The following UBE2E2 variants were observed in gnomAD, a reference collection of about 807,000 sequenced individuals.
UBE2E2 encodes ubiquitin-conjugating enzyme E2 E2.
UBE2E2 carries 6 observed loss-of-function variants against 24.7 expected under a neutral mutation model. The observed-to-expected ratio is 0.24, with a 90% CI of 0.13 to 0.48. The LOEUF (loss-of-function observed/expected upper bound fraction) is 0.48, where lower values mean the gene tolerates loss of function less well. UBE2E2 is among the 20% of genes least tolerant of loss of function. The pLI, the probability that UBE2E2 is intolerant of heterozygous loss-of-function variation, is 0.99. For synonymous variants in UBE2E2, 104 were observed against 83.6 expected, an observed-to-expected ratio of 1.24 and a Z score of -1.33; for missense variants, 169 against 245.0, an observed-to-expected ratio of 0.69 and a Z score of 2.07.
chr3:23,459,190 A>G (rs1698754947), intron 3 of UBE2E2, among the ~76,000 whole-genome samples: 1 of 152,224 alleles, frequency 6.6e-6, no homozygotes, highest in African/African-American at 2.4e-5. Context: ...AAGCAAATCT[A>G]TCCATGGAAA....
chr3:23,544,307 A>T (rs1333073616), intron 5 of UBE2E2, among the ~76,000 whole-genome samples: 1 of 152,260 alleles, frequency 6.6e-6, no homozygotes, highest in South Asian at 2.1e-4. Context: ...CATACTATGC[A>T]TCTGACAGAG....
At chr3:23,383,540 A>G (rs1276935707) in intron 3 of UBE2E2, among the ~76,000 whole-genome samples, 2 of 151,716 alleles carry the variant, frequency 1.3e-5, no homozygotes, top group Non-Finnish European at 2.9e-5. Flanking sequence ...ATGCAGATGT[A>G]TATTATTTTA....
intron 5 of UBE2E2, among the ~76,000 whole-genome samples, chr3:23,567,705 G>T (rs62256977): frequency 0.21 from 32,154 of 152,032 alleles, 3,608 homozygotes; most frequent in Non-Finnish European, 0.26. Context: ...AGGATGTCTA[G>T]TCTGGAAGAA....
chr3:23,293,510 C>A (rs1211134947), intron 3 of UBE2E2, among the ~76,000 whole-genome samples: 1 of 152,062 alleles, frequency 6.6e-6, no homozygotes, highest in Non-Finnish European at 1.5e-5. Context: ...TGAGATAATA[C>A]GGTCTTACGT....
At chr3:23,326,358 ACCGTG>A (rs1694890630) in intron 3 of UBE2E2, among the ~76,000 whole-genome samples, 1 of 152,218 alleles carries the variant, frequency 6.6e-6, no homozygotes, top group African/African-American at 2.4e-5. Context: ...GGCTTGAGCC[ACCGTG>A]CCTGGCCATC....
intron 3 of UBE2E2, among the ~76,000 whole-genome samples, chr3:23,217,997 G>A (rs1575477675): frequency 6.6e-6 from 1 of 152,084 alleles, no homozygotes; most frequent in African/African-American, 2.4e-5. Flanking sequence ...TGGCTGTTTG[G>A]TTATTTTTAA....
In UBE2E2 at chr3:23,380,599, T is replaced by G. The variant is rs181828372; in HGVS notation, c.228-119009T>G. Among the ~76,000 whole-genome samples, 581 of 152,326 alleles carry G rather than the reference T, an allele frequency of 3.8e-3. 3 individuals carry two copies. Among genetic ancestry groups the G allele is most frequent in the African/African-American group, 0.013 (526 of 41,560 alleles). On this transcript the variant is annotated intron_variant, in intron 3 of 5. Coordinates refer to ENST00000396703, the MANE Select transcript of UBE2E2 (RefSeq NM_152653.4). ...TTAATGCATAGGCCCTACAGTCAGA[T>G]GAAATCTTCCTGGGAATTGATTTCC...
intron 3 of UBE2E2, among the ~76,000 whole-genome samples, chr3:23,464,542 A>G (rs1698882545): frequency 6.6e-6 from 1 of 152,286 alleles, no homozygotes; most frequent in African/African-American, 2.4e-5. Flanking sequence ...TAGAAACTTT[A>G]TTTTACTGTG....
At chr3:23,331,171 A>G (rs773878958) in intron 3 of UBE2E2, among the ~76,000 whole-genome samples, 2 of 152,196 alleles carry the variant, frequency 1.3e-5, no homozygotes, top group African/African-American at 4.8e-5. Flanking sequence ...ATGTTTGGGT[A>G]AGTGGCACAA....
intron 3 of UBE2E2, among the ~76,000 whole-genome samples, chr3:23,269,364 CA>C (rs1339929853): frequency 6.6e-6 from 1 of 152,170 alleles, no homozygotes; most frequent in Non-Finnish European, 1.5e-5. Context: ...AGAGAAAAAA[CA>C]AACCCGCTTG....
intron 3 of UBE2E2, among the ~76,000 whole-genome samples, chr3:23,299,319 C>A (rs569274986): frequency 2.0e-5 from 3 of 152,156 alleles, no homozygotes; most frequent in African/African-American, 7.2e-5. Context: ...TTCTTGCCTT[C>A]TGCTAGCTTT....
At chr3:23,209,185 C>T (rs1696244827) in intron 2 of UBE2E2, among the ~76,000 whole-genome samples, 1 of 152,032 alleles carries the variant, frequency 6.6e-6, no homozygotes, top group African/African-American at 2.4e-5. Context: ...GGTTACTTGA[C>T]CATAAATATT....
intron 3 of UBE2E2, among the ~76,000 whole-genome samples, chr3:23,300,804 A>G (rs4289304): frequency 0.84 from 127,625 of 151,724 alleles, 53,787 homozygotes; most frequent in African/African-American, 0.9. Context: ...GGTGTTCTCT[A>G]TATTTCCTGA....
chr3:23,305,888 C>T (rs975771442), intron 3 of UBE2E2, among the ~76,000 whole-genome samples: 12 of 152,132 alleles, frequency 7.9e-5, no homozygotes, highest in African/African-American at 2.9e-4. Flanking sequence ...AGCCACAGTG[C>T]CCAAACCCTA....
intron 3 of UBE2E2, among the ~76,000 whole-genome samples, chr3:23,390,479 C>G (rs1696909185): frequency 6.6e-6 from 1 of 152,188 alleles, no homozygotes; most frequent in African/African-American, 2.4e-5. Context: ...ACTTCCACTG[C>G]TTAATAAAAT....
intron 3 of UBE2E2, among the ~76,000 whole-genome samples, chr3:23,354,607 A>G (rs1695879818): frequency 6.6e-6 from 1 of 152,250 alleles, no homozygotes; most frequent in South Asian, 2.1e-4. Flanking sequence ...ACATTTATGC[A>G]GCCAAAAAAC....
chr3:23,226,058 T>C (rs1696815530), intron 3 of UBE2E2, among the ~76,000 whole-genome samples: 1 of 152,100 alleles, frequency 6.6e-6, no homozygotes, highest in Admixed American at 6.5e-5. Flanking sequence ...GTTTGTACTT[T>C]TAGTAGAGAC....
At chr3:23,262,134 C>T (rs924726053) in intron 3 of UBE2E2, among the ~76,000 whole-genome samples, 2 of 152,286 alleles carry the variant, frequency 1.3e-5, no homozygotes, top group East Asian at 3.9e-4. Context: ...CAATACTTTT[C>T]TCTTGTCCTT....
At chr3:23,278,081 T>C (rs1698408860) in intron 3 of UBE2E2, among the ~76,000 whole-genome samples, 1 of 151,964 alleles carries the variant, frequency 6.6e-6, no homozygotes, top group Admixed American at 6.6e-5. Context: ...GATAAATGAG[T>C]GGAAAAGGTA....
Sources: allele counts gnomAD v4.1 joint callset (sites outside exome capture counted in the v4.1 genomes callset), GRCh38; gene constraint gnomAD v4.1.1; transcripts MANE v1.5; gene names NCBI Gene and HGNC (gene_info 2026-07-23, HGNC 2026-07-21).